The following SLC22A4 variants were observed in gnomAD, a reference collection of about 807,000 sequenced individuals.
The protein encoded by SLC22A4 is ET transporter.
Under a neutral mutation model 56.6 loss-of-function variants are expected in SLC22A4, and 39 were observed. The observed-to-expected ratio is 0.69, with a 90% CI of 0.53 to 0.90. The LOEUF (loss-of-function observed/expected upper bound fraction) is 0.90. Ranked by LOEUF, SLC22A4 falls within the 40% of genes least tolerant of loss-of-function variation. The probability of loss-of-function intolerance (pLI) is 0.00; values close to 1 mark genes in which losing one functional copy is unlikely to be tolerated. For synonymous variants in SLC22A4, 241 were observed against 281.4 expected, an observed-to-expected ratio of 0.86 and a Z score of 1.44; for missense variants, 594 against 696.5, an observed-to-expected ratio of 0.85 and a Z score of 1.66.
chr5:132,313,495 A>G (rs1050520310), intron 2 of SLC22A4, 119 bp from the exon 3 acceptor site: 21 of 902,192 alleles, frequency 2.3e-5, no homozygotes, highest in South Asian at 9.2e-5. Context: ...TGTGACAGAG[A>G]AAAAAGTCTG....
At chr5:132,340,352 A>T (rs1451896519) in intron 8 of SLC22A4, among the ~76,000 whole-genome samples, 1 of 152,218 alleles carries the variant, frequency 6.6e-6, no homozygotes, top group Non-Finnish European at 1.5e-5. Flanking sequence ...ACAGGAAAGA[A>T]TGAAAAGCCT....
chr5:132,296,859 G>A (rs1749790464), intron 1 of SLC22A4, among the ~76,000 whole-genome samples: 1 of 152,160 alleles, frequency 6.6e-6, no homozygotes. Flanking sequence ...CGTGAGGGGT[G>A]AGTAGCTGCT....
At chr5:132,333,704 G>A (rs1388970658) in intron 6 of SLC22A4, among the ~76,000 whole-genome samples, 1 of 109,974 alleles carries the variant, frequency 9.1e-6, no homozygotes, top group Non-Finnish European at 2.0e-5. Flanking sequence ...CAGAAAAGGA[G>A]GAAAGAGAAA....
rs1247015501 is a variant in SLC22A4 at position 132,322,205 on chromosome 5, C to A, written c.674C>A (p.Ser225Ter). The A allele has an allele frequency of 6.2e-7, 1 of 1,613,554 alleles. No homozygotes were observed. Among genetic ancestry groups the A allele is most frequent in the Middle Eastern group, 1.7e-4 (1 of 5,862 alleles). ...FILGTEILGK[S>*]VRIIFSTLGV... ...ACAGGAACAGAAATTCTTGGCAAGT[C>A]AGTTCGTATTATATTCTCTACATTA... is the stretch of plus-strand genomic sequence containing the variant. The change falls in exon 4 of 10, where the codon TCA (serine) becomes TAA (stop). Residue 225 changes from serine to a stop codon, truncating the protein, a stop_gained. Transcript: ENST00000200652. LOFTEE classifies it high-confidence loss of function.
At chr5:132,302,103 G>A (rs538907451) in intron 1 of SLC22A4, among the ~76,000 whole-genome samples, 1 of 152,322 alleles carries the variant, frequency 6.6e-6, no homozygotes, top group Admixed American at 6.5e-5. Flanking sequence ...TTCCCTGTTT[G>A]TTTATCAGCT....
chr5:132,301,545 G>A (rs558847479), intron 1 of SLC22A4, among the ~76,000 whole-genome samples: 2 of 152,326 alleles, frequency 1.3e-5, no homozygotes, highest in South Asian at 4.1e-4. Flanking sequence ...GGGAACTGGG[G>A]TCAGGGCCTG....
At chr5:132,312,870 G>A (rs1450290287) in intron 2 of SLC22A4, among the ~76,000 whole-genome samples, 1 of 152,184 alleles carries the variant, frequency 6.6e-6, no homozygotes. Flanking sequence ...TGGCAATGCT[G>A]GGGAAAGCCT....
At chr5:132,304,832 A>C (rs1749987570) in intron 1 of SLC22A4, among the ~76,000 whole-genome samples, 1 of 152,238 alleles carries the variant, frequency 6.6e-6, no homozygotes, top group African/African-American at 2.4e-5. Flanking sequence ...ACTTTAAGGC[A>C]TAAGGCAGCC....
At chr5:132,302,928 A>G (rs1749938404) in intron 1 of SLC22A4, among the ~76,000 whole-genome samples, 1 of 152,240 alleles carries the variant, frequency 6.6e-6, no homozygotes, top group Non-Finnish European at 1.5e-5. Context: ...TAAAGAAAGA[A>G]AGATACTGAG....
intron 6 of SLC22A4, among the ~76,000 whole-genome samples, chr5:132,332,767 C>CACACACAT (rs1001363235): frequency 6.7e-6 from 1 of 149,190 alleles, no homozygotes; most frequent in African/African-American, 2.5e-5. Context: ...CACACACACA[C>CACACACAT]GATGATCGTC....
intron 4 of SLC22A4, among the ~76,000 whole-genome samples, chr5:132,325,124 C>T (rs1750654658): frequency 6.6e-6 from 1 of 152,078 alleles, no homozygotes. Context: ...GCTGATTAAA[C>T]ATTAAGAATC....
intron 2 of SLC22A4, 36 bp from the exon 3 acceptor site, chr5:132,313,578 C>T (rs1458305990): frequency 2.5e-6 from 4 of 1,609,268 alleles, no homozygotes; most frequent in South Asian, 1.1e-5. Context: ...TGGCAACCTA[C>T]ACATCTCATG....
chr5:132,319,787 T>A (rs189154966), intron 3 of SLC22A4, among the ~76,000 whole-genome samples: 2 of 152,300 alleles, frequency 1.3e-5, no homozygotes, highest in Admixed American at 1.3e-4. Context: ...GAGACAGGTT[T>A]CATCATATTG....
chr5:132,301,085 C>T (rs962387996), intron 1 of SLC22A4, among the ~76,000 whole-genome samples: 1 of 152,264 alleles, frequency 6.6e-6, no homozygotes. Flanking sequence ...AAATGCTCTG[C>T]TCTGGAGAGG....
chr5:132,324,722 G>T, intron 4 of SLC22A4: 1 of 390,296 alleles, frequency 2.6e-6, no homozygotes, highest in South Asian at 1.9e-5. Flanking sequence ...GGACCCTGCC[G>T]CCTGCTCAGT....
At position 132,340,570 on chromosome 5, in the gene SLC22A4, T is replaced by A. The variant is rs1485879489; in HGVS notation, c.1450T>A (p.Tyr484Asn). Residue 484 changes from tyrosine to asparagine, a missense_variant, in exon 9 of 10, where the codon TAC becomes AAC. Transcript: ENST00000200652. ...IAPYFVYLGA[Y>N]NRMLPYIVMG... ...TTATGTCCCGGGCTTTACAGGTGCT[T>A]ACAACAGAATGCTGCCCTACATCGT... 9 of 1,613,910 alleles carry A rather than the reference T, an allele frequency of 5.6e-6. No individual in the cohort carries two copies. Among genetic ancestry groups the A allele is most frequent in the Non-Finnish European group, 7.6e-6 (9 of 1,179,926 alleles).
chr5:132,304,145 T>G (rs1422866245), intron 1 of SLC22A4, among the ~76,000 whole-genome samples: 3 of 151,518 alleles, frequency 2.0e-5, no homozygotes, highest in African/African-American at 7.3e-5. Flanking sequence ...CCTTCTGGAG[T>G]CAAAACAAAC....
chr5:132,303,949 A>G (rs1242598348), intron 1 of SLC22A4, among the ~76,000 whole-genome samples: 1 of 152,256 alleles, frequency 6.6e-6, no homozygotes, highest in East Asian at 1.9e-4. Context: ...TTTATTTGAA[A>G]TAGAGTGTGT....
Position 132,312,208 on chromosome 5 carries a change from C to A in SLC22A4, c.441C>A (p.Ser147=), listed in dbSNP as rs1028206607. The change falls in exon 2 of 10, where the codon TCC becomes TCA. Residue 147 remains serine (S), a synonymous_variant. Transcript: ENST00000200652. ...EDNWKVPLTT[S]LFFVGVLLGS... is the part of the protein sequence containing the mutation. ...ACTGGAAGGTGCCCCTCACCACCTC[C>A]CTGTTCTTCGTAGGCGTGCTCCTCG... 75 of 1,613,886 alleles carry A rather than the reference C, an allele frequency of 4.6e-5. No homozygotes were observed. In the Admixed American group the frequency reaches 1.2e-3, roughly 27 times the overall value.
Sources: gnomAD v4.1 joint callset for allele counts (sites outside exome capture counted in the v4.1 genomes callset) on GRCh38, gnomAD v4.1.1 for gene constraint, MANE v1.5 for transcripts, NCBI Gene and HGNC (gene_info 2026-07-23, HGNC 2026-07-21) for gene names.